The following CHD7 variants were observed in gnomAD, a reference collection of about 807,000 sequenced individuals.
CHD7 encodes the protein chromodomain helicase DNA binding protein 7, also known as ATP-dependent chromatin remodeler CHD7.
A neutral mutation model predicts 307.3 loss-of-function variants in CHD7; 24 were observed. That is an observed-to-expected ratio of 0.08 (90% CI 0.06 to 0.11). The LOEUF is 0.11. CHD7 is among the 10% of genes least tolerant of loss of function. The pLI, the probability that CHD7 is intolerant of heterozygous loss-of-function variation, is 1.00. For missense variants in CHD7, 3,106 were observed against 3,727.1 expected (o/e 0.83, Z 4.34); for synonymous variants, 1,363 against 1,349.9 (o/e 1.01, Z -0.21).
chr8:60,681,124 T>A (rs1805604095), intron 1 of CHD7, among the ~76,000 whole-genome samples: 1 of 152,236 alleles, frequency 6.6e-6, no homozygotes, highest in South Asian at 2.1e-4. Flanking sequence ...ATTTCTTCAC[T>A]GATCTTGTCT....
At chr8:60,821,207 A>G (rs1255172646) in intron 9 of CHD7, among the ~76,000 whole-genome samples, 2 of 152,212 alleles carry the variant, frequency 1.3e-5, no homozygotes, top group Admixed American at 6.5e-5. Context: ...ATGATTTACC[A>G]TGTAAGTCTG....
intron 23 of CHD7, among the ~76,000 whole-genome samples, chr8:60,846,451 T>G (rs572604358): frequency 4.6e-4 from 70 of 152,354 alleles, no homozygotes; most frequent in Non-Finnish European, 6.6e-4. Flanking sequence ...AACTAACATC[T>G]GCATATGTTG....
At chr8:60,821,995 A>G (rs776883094) in intron 10 of CHD7, 29 bp from the exon 11 acceptor site, 72 of 1,613,528 alleles carry the variant, frequency 4.5e-5, no homozygotes, top group Non-Finnish European at 6.1e-5. Flanking sequence ...TTGGGAAACC[A>G]CTAATGGGAT....
intron 21 of CHD7, among the ~76,000 whole-genome samples, chr8:60,844,483 T>C (rs1805115317): frequency 6.6e-6 from 1 of 152,180 alleles, no homozygotes; most frequent in South Asian, 2.1e-4. Context: ...GAGTTGCCTT[T>C]TGTCTCAGAT....
intron 3 of CHD7, among the ~76,000 whole-genome samples, chr8:60,794,229 CA>C (rs1563606014): frequency 6.6e-6 from 1 of 152,066 alleles, no homozygotes; most frequent in African/African-American, 2.4e-5. Context: ...AAATGTAAAA[CA>C]TTTTTTTCTT....
Position 60,742,865 on chromosome 8 carries a change from A to G in CHD7, c.1433A>G (p.Asn478Ser), listed in dbSNP as rs1173477842. The G allele has an allele frequency of 1.2e-6, 2 of 1,612,674 alleles. No homozygotes were observed. Among genetic ancestry groups the G allele is most frequent in the Admixed American group, 1.7e-5 (1 of 59,786 alleles). Residue 478 changes from asparagine (N) to serine (S), a missense_variant, in exon 2 of 38, where the codon AAT (asparagine) becomes AGT (serine). Around this residue, in one of 10 missense-constraint regions of CHD7, gnomAD observed 998 missense variants for 1,004.5 expected, o/e 0.99. Transcript: ENST00000423902. Reference sequence around the variant, plus strand: ...GAATTGACTGGGCACATGAGGCCAAATGGTTGTCCTGGTGTTGGCCTTGGA... The same window carrying G: ...GAATTGACTGGGCACATGAGGCCAAGTGGTTGTCCTGGTGTTGGCCTTGGA... ...PRELTGHMRP[N>S]GCPGVGLGDP...
At chr8:60,745,594 T>C (rs1809282305) in intron 2 of CHD7, among the ~76,000 whole-genome samples, 1 of 152,228 alleles carries the variant, frequency 6.6e-6, no homozygotes, top group African/African-American at 2.4e-5. Flanking sequence ...ATTTTCATTC[T>C]AAGTACAATT....
At chr8:60,727,231 A>C (rs1414954634) in intron 1 of CHD7, among the ~76,000 whole-genome samples, 1 of 151,960 alleles carries the variant, frequency 6.6e-6, no homozygotes, top group African/African-American at 2.4e-5. Context: ...GGCTCAAGGG[A>C]TCCTCCCACC....
intron 12 of CHD7, among the ~76,000 whole-genome samples, chr8:60,822,983 T>G (rs919518114): frequency 6.6e-6 from 1 of 152,230 alleles, no homozygotes; most frequent in African/African-American, 2.4e-5. Context: ...ATTTTTTGCC[T>G]TGGATGATCA....
intron 3 of CHD7, among the ~76,000 whole-genome samples, chr8:60,792,994 C>T (rs1811845875): frequency 6.6e-6 from 1 of 152,230 alleles, no homozygotes; most frequent in African/African-American, 2.4e-5. Context: ...TTGAGGGAAG[C>T]AGATGGCTTT....
At chr8:60,848,240 C>T (rs1159307142) in intron 23 of CHD7, among the ~76,000 whole-genome samples, 2 of 152,218 alleles carry the variant, frequency 1.3e-5, no homozygotes, top group South Asian at 2.1e-4. Context: ...ACAAGCTGCA[C>T]TAGGTAGAAC....
chr8:60,712,595 A>G (rs1807335763), intron 1 of CHD7, among the ~76,000 whole-genome samples: 1 of 152,170 alleles, frequency 6.6e-6, no homozygotes, highest in South Asian at 2.1e-4. Context: ...ATAGTATTTT[A>G]TTTTAAAATA....
At chr8:60,763,489 C>T (rs1810321480) in intron 2 of CHD7, among the ~76,000 whole-genome samples, 1 of 152,012 alleles carries the variant, frequency 6.6e-6, no homozygotes, top group Non-Finnish European at 1.5e-5. Flanking sequence ...TAGAACTTTA[C>T]AGGATGACTG....
At chr8:60,807,932 T>TG (rs1294119179) in intron 6 of CHD7, among the ~76,000 whole-genome samples, 2 of 152,218 alleles carry the variant, frequency 1.3e-5, no homozygotes, top group African/African-American at 4.8e-5. Context: ...AGGCCAAATT[T>TG]GGGGTCAGGT....
At chr8:60,782,822 T>A (rs1444579326) in intron 3 of CHD7, among the ~76,000 whole-genome samples, 1 of 152,192 alleles carries the variant, frequency 6.6e-6, no homozygotes, top group African/African-American at 2.4e-5. Flanking sequence ...AAGAAAGACA[T>A]GGGTAGAATT....
At chr8:60,790,867 G>T (rs1248991620) in intron 3 of CHD7, among the ~76,000 whole-genome samples, 1 of 152,174 alleles carries the variant, frequency 6.6e-6, no homozygotes, top group African/African-American at 2.4e-5. Flanking sequence ...CATGTGGGTG[G>T]AGTGAGGAGA....
rs1064794432 is a variant in CHD7, at chr8:60,822,702, C to T, written c.3157C>T (p.Arg1053Cys). Residue 1053 changes from arginine to cysteine, a missense_variant, in exon 12 of 38, where the codon CGT becomes TGT. Physicochemically the swap from Arg to Cys is radical, Grantham distance 180. Transcript: ENST00000423902. ...VVVYHGSQAS[R>C]RTIQLYEMYF... ...TGTGTATCATGGGAGTCAAGCTAGT[C>T]GTCGGACCATTCAGTTGTATGAAAT... 2 of 1,613,382 alleles carry T rather than the reference C, an allele frequency of 1.2e-6. No individual in the cohort carries two copies. The highest frequency in any genetic ancestry group is 1.7e-6 in the Non-Finnish European group (2 of 1,179,510).
At chr8:60,856,338 G>T in intron 33 of CHD7, 107 bp from the exon 34 acceptor site, 1 of 1,278,060 alleles carries the variant, frequency 7.8e-7, no homozygotes, top group South Asian at 1.6e-5. Flanking sequence ...CACCAGTCAT[G>T]AATGCTTAAT....
At chr8:60,706,988 G>C (rs1214107602) in intron 1 of CHD7, among the ~76,000 whole-genome samples, 1 of 152,034 alleles carries the variant, frequency 6.6e-6, no homozygotes, top group Non-Finnish European at 1.5e-5. Context: ...CCCCACGACA[G>C]GCCCCGGTGT....
Sources: gnomAD v4.1 joint callset for allele counts (sites outside exome capture counted in the v4.1 genomes callset) on GRCh38, gnomAD v4.1.1 for gene constraint, gnomAD v4.1.1 regional missense constraint, MANE v1.5 for transcripts, NCBI Gene and HGNC (gene_info 2026-07-23, HGNC 2026-07-21) for gene names.